Variants in DNMT1 observed in about 807,000 individuals in gnomAD.
DNMT1 encodes DNA (cytosine-5)-methyltransferase 1.
Under a neutral mutation model 205.3 loss-of-function variants are expected in DNMT1, and 24 were observed. The observed-to-expected ratio is 0.12, with a 90% CI of 0.08 to 0.16. DNMT1 has a LOEUF of 0.16. Among genes scored for constraint, DNMT1 ranks in the 10% least tolerant of loss-of-function variants. The pLI, the probability that DNMT1 is intolerant of heterozygous loss-of-function variation, is 1.00. For synonymous variants in DNMT1, 817 were observed against 839.8 expected (o/e 0.97, Z 0.47); for missense variants, 1,293 against 2,177.7 (o/e 0.59, Z 8.09).
chr19:10,186,614 G>A (rs542533543), intron 1 of DNMT1, among the ~76,000 whole-genome samples: 225 of 152,014 alleles, frequency 1.5e-3, no homozygotes, highest in African/African-American at 5.2e-3. Context: ...CGAGGCGGGC[G>A]GATCACCTGA....
intron 39 of DNMT1, 75 bp from the exon 40 acceptor site, chr19:10,134,382 C>G (rs974412620): frequency 2.8e-6 from 4 of 1,404,458 alleles, no homozygotes; most frequent in Non-Finnish European, 4.0e-6. Context: ...TACTGCCAGC[C>G]CCTGCTCAGA....
intron 34 of DNMT1, among the ~76,000 whole-genome samples, chr19:10,139,302 A>C (rs1599344958): frequency 6.6e-6 from 1 of 152,234 alleles, no homozygotes; most frequent in East Asian, 1.9e-4. Flanking sequence ...CCGCCTACAC[A>C]TGGCTCTGCG....
chr19:10,162,809 T>A, intron 12 of DNMT1, 61 bp from the exon 13 acceptor site: 1 of 1,575,716 alleles, frequency 6.3e-7, no homozygotes, highest in Non-Finnish European at 8.7e-7. Flanking sequence ...CATCGCCAAC[T>A]CGCACGGAAA....
intron 9 of DNMT1, among the ~76,000 whole-genome samples, chr19:10,172,041 C>T (rs955994457): frequency 2.6e-5 from 4 of 151,342 alleles, no homozygotes; most frequent in Non-Finnish European, 4.4e-5. Flanking sequence ...AAATAAATAC[C>T]ACAAATAAGT....
intron 2 of DNMT1, among the ~76,000 whole-genome samples, chr19:10,181,543 A>AC (rs1292933270): frequency 6.6e-6 from 1 of 151,786 alleles, no homozygotes; most frequent in Non-Finnish European, 1.5e-5. Context: ...AAAAAAAAAA[A>AC]AAACCTGGGC....
chr19:10,136,329 G>T (rs756585203), intron 37 of DNMT1, 42 bp from the exon 38 acceptor site: 4 of 1,610,270 alleles, frequency 2.5e-6, no homozygotes, highest in Non-Finnish European at 2.5e-6. Flanking sequence ...TGTGGGATGG[G>T]GTATAGGCTT....
At chr19:10,148,396 T>C (rs1246840181) in intron 27 of DNMT1, among the ~76,000 whole-genome samples, 2 of 147,798 alleles carry the variant, frequency 1.4e-5, no homozygotes, top group Non-Finnish European at 3.0e-5. Context: ...CTCAGGAGGC[T>C]GAGGCAGGAG....
At position 10,175,530 on chromosome 19, in the gene DNMT1, C is replaced by G; in HGVS notation, c.648+10G>C. ...AAGGTAGAGTCAGGAAATGAAAGCA[C>G]TGGCCCTACCTGGTCTTTGTCTTCT... On this transcript the variant is annotated intron_variant, in intron 7 of 40. Transcript: ENST00000359526. 5 of 1,614,056 alleles carry G rather than the reference C, an allele frequency of 3.1e-6. No homozygotes were observed. The highest frequency in any genetic ancestry group is 4.2e-6 in the Non-Finnish European group (5 of 1,179,982).
chr19:10,180,107 A>C, intron 5 of DNMT1, 80 bp downstream of exon 5: 1 of 535,700 alleles, frequency 1.9e-6, no homozygotes, highest in Non-Finnish European at 3.3e-6. Context: ...TGAGGTCAGG[A>C]GTTCTGGACC....
In DNMT1 at chr19:10,178,997, C is replaced by T. The variant is rs563853982; in HGVS notation, c.493+1190G>A. 2.7e-3 allele frequency among the ~76,000 whole-genome samples: 368 copies of T among 136,426 alleles called. 1 individual carries two copies. Among genetic ancestry groups the T allele is most frequent in the Non-Finnish European group, 4.6e-3 (284 of 61,902 alleles). 89.5% of individuals were successfully genotyped at this position (136,426 alleles called of 152,430 possible). Reference sequence around the variant, plus strand: ...AAAAAAAATTAGCCGGGCATGGTGGCGGGCGCCTGTAGTCCCAGCTACTCG... The same window carrying T: ...AAAAAAAATTAGCCGGGCATGGTGGTGGGCGCCTGTAGTCCCAGCTACTCG... On this transcript the variant is annotated intron_variant, in intron 5 of 40. Transcript: ENST00000359526.
At chr19:10,173,934 G>A (rs1318694886) in intron 7 of DNMT1, 29 bp from the exon 8 acceptor site, 5 of 1,611,256 alleles carry the variant, frequency 3.1e-6, no homozygotes, top group Non-Finnish European at 4.2e-6. Flanking sequence ...GAACAAAAAA[G>A]ATTAGAATAC....
intron 5 of DNMT1, among the ~76,000 whole-genome samples, chr19:10,179,623 T>C (rs887543547): frequency 6.6e-6 from 1 of 152,176 alleles, no homozygotes. Context: ...GAAAGGAACC[T>C]GGACACACTG....
intron 12 of DNMT1, chr19:10,163,045 A>G: frequency 5.4e-6 from 3 of 556,878 alleles, no homozygotes; most frequent in Non-Finnish European, 6.3e-6. Flanking sequence ...GCTCACTGCA[A>G]CCTCCACCTC....
At chr19:10,193,054 CAAACA>C (rs2039331512) in intron 1 of DNMT1, among the ~76,000 whole-genome samples, 1 of 151,896 alleles carries the variant, frequency 6.6e-6, no homozygotes, top group Non-Finnish European at 1.5e-5. Context: ...CTCAAACAAA[CAAACA>C]AAAAAAAGTA....
intron 3 of DNMT1, 77 bp from the exon 4 acceptor site, chr19:10,180,646 TTCATCATCA>T (rs3217302): frequency 6.6e-5 from 97 of 1,467,308 alleles, no homozygotes; most frequent in South Asian, 5.8e-5. Context: ...ATGTGTTTCC[TTCATCATCA>T]TCATCATCAT....
intron 28 of DNMT1, among the ~76,000 whole-genome samples, chr19:10,145,300 C>T (rs193181831): frequency 1.2e-4 from 19 of 152,320 alleles, no homozygotes; most frequent in Admixed American, 7.8e-4. Context: ...GAAAACACTA[C>T]GGGGAGGTGT....
chr19:10,139,635 G>T, intron 34 of DNMT1, 41 bp downstream of exon 34: 4 of 1,603,210 alleles, frequency 2.5e-6, no homozygotes, highest in Non-Finnish European at 3.4e-6. Flanking sequence ...CGGGTCACGT[G>T]CTGGCCACAT....
rs972155159 is a variant in DNMT1 at position 10,141,246 on chromosome 19, C to T, written c.3310-57G>A. ...GAGAAACGCACTGTCCCCTCTCTAA[C>T]GCAGACTAGTAAGAAGGCAATTTGA... On this transcript the variant is annotated intron_variant, in intron 30 of 40. Transcript: ENST00000359526. 21 of 1,572,668 alleles carry T rather than the reference C, an allele frequency of 1.3e-5. No individual in the cohort carries two copies. The East Asian group carries it at 3.4e-4, about 25-fold the overall frequency.
intron 11 of DNMT1, among the ~76,000 whole-genome samples, chr19:10,166,321 C>T (rs1319945203): frequency 6.6e-6 from 1 of 152,130 alleles, no homozygotes; most frequent in African/African-American, 2.4e-5. Context: ...GGAGAGGATG[C>T]TTCATGCACA....
Sources: gnomAD v4.1 joint callset for allele counts (sites outside exome capture counted in the v4.1 genomes callset) on GRCh38, gnomAD v4.1.1 for gene constraint, MANE v1.5 for transcripts, NCBI Gene and HGNC (gene_info 2026-07-23, HGNC 2026-07-21) for gene names.